The following NUCKS1 variants were observed in gnomAD, a reference collection of about 807,000 sequenced individuals.
NUCKS1 encodes nuclear casein kinase and cyclin dependent kinase substrate 1.
NUCKS1 carries 2 observed loss-of-function variants against 33.0 expected under a neutral mutation model. The observed-to-expected ratio is 0.06, with a 90% CI of 0.02 to 0.19. NUCKS1 has a LOEUF of 0.19. NUCKS1 is among the 10% of genes least tolerant of loss of function. The pLI, the probability that NUCKS1 is intolerant of heterozygous loss-of-function variation, is 1.00. For missense variants in NUCKS1, 201 were observed against 293.6 expected, an observed-to-expected ratio of 0.68 and a Z score of 2.31; for synonymous variants, 106 against 102.8, an observed-to-expected ratio of 1.03 and a Z score of -0.19.
intron 1 of NUCKS1, among the ~76,000 whole-genome samples, chr1:205,731,928 A>G (rs1160927558): frequency 6.6e-6 from 1 of 151,970 alleles, no homozygotes; most frequent in Admixed American, 6.6e-5. Context: ...ATAAATATAC[A>G]TTACCACCTA....
At chr1:205,721,546 GAGAA>G (rs1004257152) in intron 4 of NUCKS1, among the ~76,000 whole-genome samples, 1 of 152,180 alleles carries the variant, frequency 6.6e-6, no homozygotes, top group Admixed American at 6.5e-5. Context: ...TAGTATGAGA[GAGAA>G]AGAATGTCTT....
At chr1:205,747,696 T>G (rs902421490) in intron 1 of NUCKS1, among the ~76,000 whole-genome samples, 4 of 152,250 alleles carry the variant, frequency 2.6e-5, no homozygotes, top group Non-Finnish European at 5.9e-5. Context: ...TGTGCTTTTT[T>G]GTTTTTAAAA....
intron 1 of NUCKS1, among the ~76,000 whole-genome samples, chr1:205,730,556 T>C (rs1235094480): frequency 6.6e-6 from 1 of 151,730 alleles, no homozygotes; most frequent in Non-Finnish European, 1.5e-5. Flanking sequence ...TGGCGAGATC[T>C]TGGCTCACTG....
At chr1:205,736,120 TA>T (rs1353710070) in intron 1 of NUCKS1, among the ~76,000 whole-genome samples, 1 of 152,008 alleles carries the variant, frequency 6.6e-6, no homozygotes, top group African/African-American at 2.4e-5. Context: ...GCCAGTAAAT[TA>T]AAAATTTTTT....
intron 1 of NUCKS1, among the ~76,000 whole-genome samples, chr1:205,738,913 T>G (rs1207135414): frequency 6.6e-6 from 1 of 152,054 alleles, no homozygotes; most frequent in Admixed American, 6.6e-5. Flanking sequence ...CTGTCTCAAA[T>G]GAATAACTAC....
At chr1:205,719,465 G>C in intron 6 of NUCKS1, 62 bp downstream of exon 6, 1 of 1,511,574 alleles carries the variant, frequency 6.6e-7, no homozygotes, top group Non-Finnish European at 8.9e-7. Context: ...TTTCTGTATT[G>C]AAAATAATGA....
chr1:205,749,815 C>G, intron 1 of NUCKS1, 142 bp downstream of exon 1: 1 of 881,688 alleles, frequency 1.1e-6, no homozygotes, highest in Non-Finnish European at 1.7e-6. Context: ...CCCCCACGCT[C>G]AAGGGTGCGC....
Position 205,717,467 on chromosome 1 carries a change from T to A in NUCKS1, c.*813A>T. ...ATACATATATATTTAGAGAAGGAAA[T>A]ATGAAATCAAGAGTTTTGGCAGCCC... On this transcript the variant is annotated 3_prime_UTR_variant, in exon 7 of 7. Transcript: ENST00000367142. 1 of 981,198 alleles carries A rather than the reference T, an allele frequency of 1.0e-6. No homozygotes were observed. Among genetic ancestry groups the A allele is most frequent in the Non-Finnish European group, 1.2e-6 (1 of 828,148 alleles). The allele number at this position is 981,198 out of a possible 1,614,324, so 60.8% of individuals were successfully genotyped here.
intron 1 of NUCKS1, among the ~76,000 whole-genome samples, chr1:205,742,128 G>A (rs1391260396): frequency 6.6e-6 from 1 of 152,172 alleles, no homozygotes; most frequent in Non-Finnish European, 1.5e-5. Context: ...CTCTTTCAGT[G>A]GAGCTAATAT....
In NUCKS1 at chr1:205,750,144, C is replaced by T. The variant is rs1221691794; in HGVS notation, c.-171G>A. On this transcript the variant is annotated 5_prime_UTR_variant, in exon 1 of 7. Transcript: ENST00000367142. ...GCTCTTTGGTTCAGGGCTCCTGGAA[C>T]AGACGAGCCCCCCGCTCCCCCGTCT... 1 of 675,952 alleles carries T rather than the reference C, an allele frequency of 1.5e-6. No individual in the cohort carries two copies. The highest frequency in any genetic ancestry group is 1.8e-5 in the African/African-American group (1 of 54,910). The allele number at this position is 675,952 out of a possible 1,614,324, so 41.9% of individuals were successfully genotyped here.
intron 1 of NUCKS1, among the ~76,000 whole-genome samples, chr1:205,741,300 A>C (rs943911956): frequency 4.0e-5 from 2 of 50,346 alleles, no homozygotes; most frequent in African/African-American, 9.4e-5. Flanking sequence ...ACTGTCTCAA[A>C]AAAAAAAAAA....
chr1:205,736,319 C>A lies in NUCKS1; in HGVS notation c.18-6698G>T, dbSNP rs796813846. Among the ~76,000 whole-genome samples, 18 of 152,140 alleles carry A rather than the reference C, an allele frequency of 1.2e-4. 1 individual carries two copies. The highest frequency in any genetic ancestry group is 4.3e-4 in the African/African-American group (18 of 41,508). On this transcript the variant is annotated intron_variant, in intron 1 of 6. Coordinates refer to ENST00000367142, the MANE Select transcript of NUCKS1 (RefSeq NM_022731.5). The stretch of plus-strand genomic sequence containing the variant: ...CCATTTAGATCAAAAATTTTTAAAT[C>A]ATTTTTTAAGTTTAAAGCATTCATA...
At chr1:205,742,783 C>G (rs752299159) in intron 1 of NUCKS1, among the ~76,000 whole-genome samples, 5 of 152,090 alleles carry the variant, frequency 3.3e-5, no homozygotes, top group Non-Finnish European at 7.4e-5. Context: ...CGAGATCGCT[C>G]CACTGCATTC....
At chr1:205,724,280 T>C (rs569074378) in intron 3 of NUCKS1, among the ~76,000 whole-genome samples, 1 of 152,234 alleles carries the variant, frequency 6.6e-6, no homozygotes, top group Non-Finnish European at 1.5e-5. Flanking sequence ...GAATATTTAA[T>C]AAGAAAAATA....
At chr1:205,740,869 A>G (rs1291712841) in intron 1 of NUCKS1, among the ~76,000 whole-genome samples, 2 of 151,268 alleles carry the variant, frequency 1.3e-5, no homozygotes, top group African/African-American at 4.9e-5. Flanking sequence ...TAAAACCAAT[A>G]TATTACCAAC....
intron 6 of NUCKS1, among the ~76,000 whole-genome samples, chr1:205,719,250 A>T (rs1018859732): frequency 1.3e-5 from 2 of 152,244 alleles, no homozygotes; most frequent in Non-Finnish European, 2.9e-5. Context: ...CAGTGTTTCT[A>T]CCACTGTGTC....
At chr1:205,741,666 A>G (rs1654179235) in intron 1 of NUCKS1, among the ~76,000 whole-genome samples, 1 of 152,240 alleles carries the variant, frequency 6.6e-6, no homozygotes, top group Non-Finnish European at 1.5e-5. Context: ...AGAAAAAATT[A>G]CAGAATTTTG....
At chr1:205,749,755 A>C (rs1486565286) in intron 1 of NUCKS1, among the ~76,000 whole-genome samples, 2 of 147,562 alleles carry the variant, frequency 1.4e-5, no homozygotes, top group Admixed American at 1.3e-4. Context: ...CGGGGCGGGG[A>C]GGGGCGCGCG....
intron 2 of NUCKS1, 30 bp downstream of exon 2, chr1:205,729,542 C>T (rs1461684187): frequency 6.4e-7 from 1 of 1,566,026 alleles, no homozygotes; most frequent in Admixed American, 1.7e-5. Context: ...GTCAGTCCAA[C>T]TTAAAATTTG....
Sources: allele counts gnomAD v4.1 joint callset (sites outside exome capture counted in the v4.1 genomes callset), GRCh38; gene constraint gnomAD v4.1.1; transcripts MANE v1.5; gene names NCBI Gene and HGNC (gene_info 2026-07-23, HGNC 2026-07-21).